Variants in FHIT observed in about 807,000 individuals in gnomAD.
The protein encoded by FHIT is fragile histidine triad diadenosine triphosphatase, also known as bis(5'-adenosyl)-triphosphatase.
FHIT carries 19 observed loss-of-function variants against 17.9 expected under a neutral mutation model. The ratio of observed to expected loss-of-function variants is 1.06; its 90% CI spans 0.74 to 1.56. The LOEUF (loss-of-function observed/expected upper bound fraction) is 1.56, where lower values mean the gene tolerates loss of function less well. Among genes scored for constraint, FHIT ranks in the 40% most tolerant of loss-of-function variants. The pLI, the probability that FHIT is intolerant of heterozygous loss-of-function variation, is 0.00. For missense variants in FHIT, 248 were observed against 189.2 expected, an observed-to-expected ratio of 1.31 and a Z score of -1.82; for synonymous variants, 81 against 69.7, an observed-to-expected ratio of 1.16 and a Z score of -0.81.
intron 7 of FHIT, among the ~76,000 whole-genome samples, chr3:59,975,572 G>A (rs56961385): frequency 0.014 from 2,191 of 151,766 alleles, 46 homozygotes; most frequent in African/African-American, 0.048. Context: ...TACAATTGAC[G>A]GTACAAAGAA....
chr3:60,861,231 T>C (rs797033565), intron 3 of FHIT, among the ~76,000 whole-genome samples: 2 of 52,196 alleles, frequency 3.8e-5, no homozygotes, highest in African/African-American at 1.3e-4. Context: ...ATATATATGA[T>C]ATATCATATC....
At chr3:60,912,657 ACT>A in intron 3 of FHIT, 1 of 428,526 alleles carries the variant, frequency 2.3e-6, no homozygotes, top group South Asian at 1.9e-5. Context: ...ATCAGAGATA[ACT>A]CTAGATATTC....
chr3:60,619,842 G>A (rs111471000), intron 4 of FHIT, among the ~76,000 whole-genome samples: 18 of 151,998 alleles, frequency 1.2e-4, no homozygotes, highest in Admixed American at 3.3e-4. Flanking sequence ...AATTGAAAAC[G>A]TCTCCTTGAT....
rs555208905 is a variant in FHIT, at chr3:60,169,989, C to T, written c.104-155837G>A. Among the ~76,000 whole-genome samples, 16 of 152,282 alleles carry T rather than the reference C, an allele frequency of 1.1e-4. No individual in the cohort carries two copies. In the South Asian group the frequency reaches 2.9e-3, roughly 28 times the overall value. On this transcript the variant is annotated intron_variant, in intron 5 of 9. Transcript: ENST00000492590. The stretch of plus-strand genomic sequence containing the variant: ...ACATGGAATGGACCTCTGCTGTTTT[C>T]GATGATCCAGCATTCCTCCTGATTT...
chr3:60,389,041 A>T (rs1421940591), intron 5 of FHIT, among the ~76,000 whole-genome samples: 1 of 152,160 alleles, frequency 6.6e-6, no homozygotes, highest in Non-Finnish European at 1.5e-5. Context: ...GAATTACCCT[A>T]GTTGCTAATG....
Position 60,470,040 on chromosome 3 carries a change from C to CCTCTCCT in FHIT, c.103+66813_103+66819dup, listed in dbSNP as rs1282964948. On this transcript the variant is annotated intron_variant, in intron 5 of 9. Coordinates refer to ENST00000492590, the MANE Select transcript of FHIT (RefSeq NM_002012.4). ...TGTCTCTGTCTCTCTGTCTCTCTCC[C>CCTCTCCT]CTCTCCTCTCTCTTTCTTTCTCTCT... Among the ~76,000 whole-genome samples, 306 of 132,030 alleles carry CCTCTCCT rather than the reference C, an allele frequency of 2.3e-3. 1 individual carries two copies. Among genetic ancestry groups the CCTCTCCT allele is most frequent in the African/African-American group, 8.7e-3 (294 of 33,848 alleles). The allele number at this position is 132,030 out of a possible 152,430, so 86.6% of individuals were successfully genotyped here.
In FHIT at chr3:60,592,268, C is replaced by CTA. The variant is rs35356066; in HGVS notation, c.-17-55291_-17-55290dup. Among the ~76,000 whole-genome samples the CTA allele has an allele frequency of 4.3e-3, 623 of 145,650 alleles. 7 individuals carry two copies. Among genetic ancestry groups the CTA allele is most frequent in the Admixed American group, 0.017 (247 of 14,422 alleles). ...TATATATACTATATATACTCTCTCTCTATATATATATATATATAAAATCAT... is the reference window on the plus strand; with the variant it reads ...TATATATACTATATATACTCTCTCTCTATATATATATATATATATAAAATCAT... On this transcript the variant is annotated intron_variant, in intron 4 of 9. Transcript: ENST00000492590.
intron 8 of FHIT, among the ~76,000 whole-genome samples, chr3:59,843,978 G>A (rs1701625613): frequency 1.3e-5 from 2 of 152,082 alleles, no homozygotes; most frequent in African/African-American, 4.8e-5. Context: ...GTTCTCATGA[G>A]ATCTGTTTGT....
intron 8 of FHIT, among the ~76,000 whole-genome samples, chr3:59,792,870 T>C (rs928977908): frequency 8.2e-6 from 1 of 121,996 alleles, no homozygotes; most frequent in African/African-American, 3.6e-5. Flanking sequence ...GTCCTTATTT[T>C]TTGGGGGGGG....
At chr3:60,336,289 A>C (rs570264294) in intron 5 of FHIT, among the ~76,000 whole-genome samples, 17 of 152,354 alleles carry the variant, frequency 1.1e-4, no homozygotes, top group African/African-American at 3.6e-4. Context: ...GAAACATTCA[A>C]GACCTGCACA....
At chr3:60,247,672 T>C (rs1051249560) in intron 5 of FHIT, among the ~76,000 whole-genome samples, 6 of 152,124 alleles carry the variant, frequency 3.9e-5, no homozygotes, top group Admixed American at 3.9e-4. Flanking sequence ...ATTGAACCAA[T>C]GGCATTTCAT....
chr3:60,127,872 C>T (rs1705628983), intron 5 of FHIT, among the ~76,000 whole-genome samples: 1 of 152,170 alleles, frequency 6.6e-6, no homozygotes, highest in Admixed American at 6.6e-5. Flanking sequence ...CTCAAGTGAT[C>T]CTCCAGCTTT....
At chr3:60,587,758 G>C (rs2037952930) in intron 4 of FHIT, among the ~76,000 whole-genome samples, 1 of 151,914 alleles carries the variant, frequency 6.6e-6, no homozygotes, top group African/African-American at 2.4e-5. Flanking sequence ...CTAATGCCAG[G>C]CACTATGCTA....
intron 5 of FHIT, among the ~76,000 whole-genome samples, chr3:60,070,147 C>G (rs370356982): frequency 6.6e-6 from 1 of 152,148 alleles, no homozygotes; most frequent in African/African-American, 2.4e-5. Flanking sequence ...TCAGGATCAC[C>G]TGGAGTGCCC....
intron 7 of FHIT, among the ~76,000 whole-genome samples, chr3:59,959,374 C>T (rs897453674): frequency 3.3e-5 from 5 of 152,172 alleles, no homozygotes; most frequent in African/African-American, 1.2e-4. Context: ...ACATGATTGC[C>T]TTTACTTGAC....
chr3:59,851,943 T>C (rs1003815076), intron 8 of FHIT, among the ~76,000 whole-genome samples: 1 of 152,222 alleles, frequency 6.6e-6, no homozygotes, highest in Non-Finnish European at 1.5e-5. Flanking sequence ...GAACTGATTG[T>C]AATTTACCCT....
At chr3:60,196,882 G>C (rs1253279268) in intron 5 of FHIT, among the ~76,000 whole-genome samples, 1 of 151,724 alleles carries the variant, frequency 6.6e-6, no homozygotes, top group African/African-American at 2.4e-5. Flanking sequence ...ACTTTGCTAT[G>C]CTTTTGTGTG....
chr3:60,586,024 T>C (rs1222196385), intron 4 of FHIT, among the ~76,000 whole-genome samples: 2 of 151,930 alleles, frequency 1.3e-5, no homozygotes, highest in Non-Finnish European at 2.9e-5. Context: ...AGAATCTCAT[T>C]GGACTAGTAT....
At chr3:59,754,557 T>C (rs530905880) in intron 8 of FHIT, among the ~76,000 whole-genome samples, 2 of 152,306 alleles carry the variant, frequency 1.3e-5, no homozygotes, top group African/African-American at 2.4e-5. Flanking sequence ...CCAGGAAATA[T>C]GGCCTTCCCA....
Sources: allele counts gnomAD v4.1 joint callset (sites outside exome capture counted in the v4.1 genomes callset), GRCh38; gene constraint gnomAD v4.1.1; transcripts MANE v1.5; gene names NCBI Gene and HGNC (gene_info 2026-07-23, HGNC 2026-07-21).